Variants in RFX3 observed in about 807,000 individuals in gnomAD.
The protein encoded by RFX3 is regulatory factor X3.
Under a neutral mutation model 98.6 loss-of-function variants are expected in RFX3, and 14 were observed. The ratio of observed to expected loss-of-function variants is 0.14; its 90% CI spans 0.09 to 0.22. The LOEUF is 0.22. RFX3 is among the 10% of genes least tolerant of loss of function. The probability of loss-of-function intolerance (pLI) is 1.00; values close to 1 mark genes in which losing one functional copy is unlikely to be tolerated. For missense variants in RFX3, 639 were observed against 926.9 expected (o/e 0.69, Z 4.03); for synonymous variants, 383 against 328.4 (o/e 1.17, Z -1.80).
chr9:3,288,398 C>T (rs1048978101), intron 6 of RFX3, 148 bp from the exon 7 acceptor site: 1 of 627,604 alleles, frequency 1.6e-6, no homozygotes, highest in Non-Finnish European at 2.7e-6. Flanking sequence ...GTTCTGAATA[C>T]TTTTATGTTT....
chr9:3,236,208 T>C (rs895577445), intron 15 of RFX3, among the ~76,000 whole-genome samples: 11 of 152,304 alleles, frequency 7.2e-5, no homozygotes, highest in South Asian at 4.1e-4. Context: ...TAATTTTACA[T>C]ACAAGTTCCT....
At chr9:3,437,135 G>C (rs745498399) in intron 1 of RFX3, among the ~76,000 whole-genome samples, 23 of 152,108 alleles carry the variant, frequency 1.5e-4, no homozygotes, top group South Asian at 4.1e-4. Flanking sequence ...ATTAATGAAA[G>C]GAAAATATTG....
At chr9:3,486,128 CAAAAAAAAAAAAA>C (rs772747349) in intron 1 of RFX3, among the ~76,000 whole-genome samples, 75 of 49,178 alleles carry the variant, frequency 1.5e-3, no homozygotes, top group African/African-American at 5.3e-3. Context: ...TGTCTCAAAC[CAAAAAAAAAAAAA>C]AAAAAAAAAA....
intron 1 of RFX3, among the ~76,000 whole-genome samples, chr9:3,471,716 T>C (rs1848794363): frequency 1.3e-5 from 2 of 152,224 alleles, no homozygotes; most frequent in African/African-American, 4.8e-5. Context: ...AAATCCTCCT[T>C]AAATCCCAGC....
intron 7 of RFX3, among the ~76,000 whole-genome samples, chr9:3,287,639 C>T (rs952933615): frequency 3.3e-5 from 5 of 151,980 alleles, no homozygotes; most frequent in African/African-American, 9.7e-5. Flanking sequence ...ATCCATCATT[C>T]ATCCATCCAT....
chr9:3,505,130 T>G (rs1816803726), intron 1 of RFX3, among the ~76,000 whole-genome samples: 1 of 99,310 alleles, frequency 1.0e-5, no homozygotes, highest in South Asian at 3.4e-4. Context: ...TTTATATATT[T>G]ATATTTATAT....
intron 2 of RFX3, among the ~76,000 whole-genome samples, chr9:3,393,327 A>G (rs891552320): frequency 2.0e-5 from 3 of 152,108 alleles, no homozygotes; most frequent in African/African-American, 7.2e-5. Flanking sequence ...TCTTTATACT[A>G]TTATATACCC....
chr9:3,462,965 A>C (rs1424695712), intron 1 of RFX3, among the ~76,000 whole-genome samples: 1 of 152,116 alleles, frequency 6.6e-6, no homozygotes, highest in Non-Finnish European at 1.5e-5. Context: ...ATAACACCCA[A>C]TATTGTTTAA....
intron 1 of RFX3, among the ~76,000 whole-genome samples, chr9:3,447,997 C>G (rs1486414099): frequency 6.6e-6 from 1 of 152,144 alleles, no homozygotes; most frequent in African/African-American, 2.4e-5. Flanking sequence ...CAAGGAATCA[C>G]AAGCATTTTC....
rs772714623 is a variant in RFX3, at chr9:3,222,395, G to A, written c.*2647C>T. 5 of 152,092 alleles carry A rather than the reference G, an allele frequency of 3.3e-5. No individual in the cohort carries two copies. The highest frequency in any genetic ancestry group is 6.5e-5 in the Admixed American group (1 of 15,270). The allele number at this position is 152,092 out of a possible 1,614,324, so 9.4% of individuals were successfully genotyped here. On this transcript the variant is annotated 3_prime_UTR_variant, in exon 17 of 17. Coordinates refer to ENST00000617270, the MANE Select transcript of RFX3 (RefSeq NM_001282116.2). ...ACCATGAACAATTGGAAGAAATGTT[G>A]AATCCTGGAGCATCCCCGATCCCTA...
intron 1 of RFX3, among the ~76,000 whole-genome samples, chr9:3,506,286 T>A (rs929748199): frequency 6.6e-6 from 1 of 151,716 alleles, no homozygotes; most frequent in South Asian, 2.1e-4. Context: ...TACCTTCGCA[T>A]AGTGCAACCC....
intron 4 of RFX3, among the ~76,000 whole-genome samples, chr9:3,308,909 T>C (rs917307042): frequency 7.2e-5 from 11 of 152,060 alleles, no homozygotes; most frequent in African/African-American, 2.7e-4. Flanking sequence ...TAACCAAACT[T>C]TGAATCCTTG....
intron 7 of RFX3, among the ~76,000 whole-genome samples, chr9:3,278,010 C>A (rs1825457154): frequency 6.6e-6 from 1 of 151,770 alleles, no homozygotes; most frequent in Non-Finnish European, 1.5e-5. Context: ...AATACAAAGG[C>A]CATAAGCATC....
At chr9:3,489,313 A>G (rs1470909675) in intron 1 of RFX3, 1 of 315,502 alleles carries the variant, frequency 3.2e-6, no homozygotes, top group Non-Finnish European at 4.6e-6. Context: ...CACTATGCCT[A>G]TCCCTCTGAC....
chr9:3,481,574 A>G (rs1849765240), intron 1 of RFX3, among the ~76,000 whole-genome samples: 2 of 151,954 alleles, frequency 1.3e-5, no homozygotes, highest in Non-Finnish European at 2.9e-5. Context: ...CAACTGGAAT[A>G]AAAAGCAAAA....
chr9:3,403,936 T>A (rs1174725591), intron 1 of RFX3, among the ~76,000 whole-genome samples: 2 of 152,168 alleles, frequency 1.3e-5, no homozygotes, highest in African/African-American at 4.8e-5. Context: ...TAGATTATCT[T>A]GCCTACACAA....
chr9:3,330,770 C>T (rs1026028184), intron 3 of RFX3, among the ~76,000 whole-genome samples: 3 of 152,158 alleles, frequency 2.0e-5, no homozygotes, highest in Non-Finnish European at 2.9e-5. Flanking sequence ...GTGCCTATCT[C>T]CAGCATATAA....
intron 2 of RFX3, among the ~76,000 whole-genome samples, chr9:3,352,726 G>C (rs1835291363): frequency 6.6e-6 from 1 of 152,052 alleles, no homozygotes; most frequent in African/African-American, 2.4e-5. Context: ...GGCATCATAA[G>C]ATGGTGATCC....
In RFX3 at chr9:3,450,756, A is replaced by T. The variant is rs538464287; in HGVS notation, c.-8-55160T>A. Among the ~76,000 whole-genome samples the T allele has an allele frequency of 7.1e-4, 108 of 152,318 alleles. 1 individual carries two copies. The highest frequency in any genetic ancestry group is 2.2e-3 in the African/African-American group (90 of 41,588). ...AGTGATATCATTACAGAATTTTTTT[A>T]AAAAAGTAACAGAAAACAGTAATAA... On this transcript the variant is annotated intron_variant, in intron 1 of 16. Coordinates refer to ENST00000617270, the MANE Select transcript of RFX3 (RefSeq NM_001282116.2).
Sources: allele counts gnomAD v4.1 joint callset (sites outside exome capture counted in the v4.1 genomes callset), GRCh38; gene constraint gnomAD v4.1.1; transcripts MANE v1.5; gene names NCBI Gene and HGNC (gene_info 2026-07-23, HGNC 2026-07-21).